Variants in RIN3 observed in about 807,000 individuals in gnomAD.
The protein encoded by RIN3 is RAB5 interacting protein 3.
Under a neutral mutation model 76.3 loss-of-function variants are expected in RIN3, and 54 were observed. The observed-to-expected ratio is 0.71, with a 90% CI of 0.57 to 0.89. RIN3 has a LOEUF of 0.89. Ranked by LOEUF, RIN3 falls within the 40% of genes least tolerant of loss-of-function variation. RIN3 has a pLI of 0.00. For synonymous variants in RIN3, 576 were observed against 564.0 expected (o/e 1.02, Z -0.30); for missense variants, 1,256 against 1,322.1 (o/e 0.95, Z 0.78).
intron 3 of RIN3, among the ~76,000 whole-genome samples, chr14:92,596,732 G>A (rs1269904155): frequency 1.3e-5 from 2 of 152,192 alleles, no homozygotes; most frequent in East Asian, 1.9e-4. Context: ...CCAGAGTTGT[G>A]CAGAAAGGGG....
intron 4 of RIN3, among the ~76,000 whole-genome samples, chr14:92,637,995 G>C (rs1468206277): frequency 6.6e-6 from 1 of 152,150 alleles, no homozygotes; most frequent in Non-Finnish European, 1.5e-5. Flanking sequence ...GATTTAGTAA[G>C]AATATCACTT....
At chr14:92,562,958 T>A (rs1023856127) in intron 2 of RIN3, among the ~76,000 whole-genome samples, 3 of 152,258 alleles carry the variant, frequency 2.0e-5, no homozygotes, top group African/African-American at 7.2e-5. Flanking sequence ...GGGTCAAAAG[T>A]TGTAGTAACC....
chr14:92,521,744 A>G (rs1566825385), intron 1 of RIN3, among the ~76,000 whole-genome samples: 1 of 152,224 alleles, frequency 6.6e-6, no homozygotes, highest in Non-Finnish European at 1.5e-5. Context: ...AGCCTCAGGT[A>G]TTCCTTTATA....
At chr14:92,597,817 C>A (rs1885203744) in intron 3 of RIN3, among the ~76,000 whole-genome samples, 1 of 152,214 alleles carries the variant, frequency 6.6e-6, no homozygotes, top group Non-Finnish European at 1.5e-5. Context: ...TGCCTCTTCT[C>A]CTACTGAGTT....
chr14:92,616,608 C>G (rs1178370629), intron 4 of RIN3, among the ~76,000 whole-genome samples: 3 of 152,062 alleles, frequency 2.0e-5, no homozygotes, highest in African/African-American at 7.2e-5. Context: ...GTAACTGCTT[C>G]ATGCTGGCTT....
chr14:92,625,759 G>C (rs187814873), intron 4 of RIN3, among the ~76,000 whole-genome samples: 6 of 152,148 alleles, frequency 3.9e-5, no homozygotes, highest in Admixed American at 6.5e-5. Context: ...TATAATTCCT[G>C]GTCCCCTGGA....
At chr14:92,606,628 T>A (rs1034924429) in intron 3 of RIN3, among the ~76,000 whole-genome samples, 2 of 152,090 alleles carry the variant, frequency 1.3e-5, no homozygotes, top group African/African-American at 4.8e-5. Flanking sequence ...CAAGAATATA[T>A]GGAAATAACC....
intron 7 of RIN3, among the ~76,000 whole-genome samples, chr14:92,665,976 G>A (rs1017270905): frequency 1.3e-5 from 2 of 152,028 alleles, no homozygotes; most frequent in South Asian, 2.1e-4. Flanking sequence ...GCAGCTCTTT[G>A]TTGAGCCCTG....
intron 1 of RIN3, among the ~76,000 whole-genome samples, chr14:92,532,544 A>G (rs916627610): frequency 3.9e-5 from 6 of 152,070 alleles, no homozygotes; most frequent in Non-Finnish European, 7.4e-5. Context: ...GGGGGAAGTT[A>G]TTTACCATGG....
Position 92,652,960 on chromosome 14 carries a change from C to T in RIN3, c.1911C>T (p.Ser637=). Residue 637 remains serine (S), a synonymous_variant, in exon 6 of 10, where the codon AGC becomes AGT. Transcript: ENST00000216487. The surrounding 1 kb of genome is among the most constrained non-coding windows in gnomAD (Gnocchi z 6.4). ...AGATGATGGCGCGCCAGACCTCCAGCACGGAGATGCTGCAGGAGATTCGCA... is the reference window on the plus strand; with the variant it reads ...AGATGATGGCGCGCCAGACCTCCAGTACGGAGATGCTGCAGGAGATTCGCA... The part of the protein sequence containing the change: ...SLEMMARQTS[S]TEMLQEIRTM... 6.2e-7 allele frequency: 1 copy of T among 1,613,764 alleles called. No individual in the cohort carries two copies. The highest frequency in any genetic ancestry group is 8.5e-7 in the Non-Finnish European group (1 of 1,180,034).
chr14:92,527,242 C>T (rs906735748), intron 1 of RIN3, among the ~76,000 whole-genome samples: 8 of 150,476 alleles, frequency 5.3e-5, no homozygotes, highest in South Asian at 4.2e-4. Context: ...TTAGTAGAGA[C>T]GGGGTTTCAC....
intron 3 of RIN3, among the ~76,000 whole-genome samples, chr14:92,608,091 T>C (rs1230932684): frequency 6.6e-6 from 1 of 152,242 alleles, no homozygotes; most frequent in Non-Finnish European, 1.5e-5. Flanking sequence ...ATCTTGATTG[T>C]GGTGACTGTG....
chr14:92,587,675 G>T (rs575755421), intron 3 of RIN3, among the ~76,000 whole-genome samples: 5 of 152,044 alleles, frequency 3.3e-5, no homozygotes, highest in African/African-American at 1.2e-4. Context: ...AACTGTCTCG[G>T]GGGTCCAGAA....
chr14:92,514,973 G>T lies in RIN3; in HGVS notation c.44+997G>T, dbSNP rs560711290. ...CCTGCCGCTCCCTGGCTTGGCAGTGGGACCTCATCTCCCAGGCCCTCAGTT... is the reference window on the plus strand; with the variant it reads ...CCTGCCGCTCCCTGGCTTGGCAGTGTGACCTCATCTCCCAGGCCCTCAGTT... On this transcript the variant is annotated intron_variant, in intron 1 of 9. Transcript: ENST00000216487. This position sits in a 1 kb window ranked among gnomAD's most constrained non-coding sequence, Gnocchi z 7.2. Among the ~76,000 whole-genome samples the T allele has an allele frequency of 6.6e-6, 1 of 152,156 alleles. No individual in the cohort carries two copies. The highest frequency in any genetic ancestry group is 1.5e-5 in the Non-Finnish European group (1 of 68,018).
intron 2 of RIN3, among the ~76,000 whole-genome samples, chr14:92,558,848 C>A (rs1351068827): frequency 6.6e-6 from 1 of 151,742 alleles, no homozygotes; most frequent in Non-Finnish European, 1.5e-5. Context: ...ATGCATCTTC[C>A]AGCACCTTCT....
intron 5 of RIN3, among the ~76,000 whole-genome samples, chr14:92,649,264 C>T (rs1331355888): frequency 1.3e-5 from 2 of 152,176 alleles, no homozygotes; most frequent in African/African-American, 4.8e-5. Flanking sequence ...CACCTTCACC[C>T]ACAGGAAGAG....
intron 8 of RIN3, among the ~76,000 whole-genome samples, chr14:92,677,335 T>C (rs1180521020): frequency 6.6e-6 from 1 of 152,116 alleles, no homozygotes; most frequent in African/African-American, 2.4e-5. Context: ...AGTCCAGATA[T>C]CAGCTCTGAG....
In RIN3 at chr14:92,589,744, C is replaced by T. The variant is rs188764712; in HGVS notation, c.367+12267C>T. 3.3e-4 allele frequency among the ~76,000 whole-genome samples: 51 copies of T among 152,366 alleles called. No homozygotes were observed. In the East Asian group the frequency reaches 6.0e-3, roughly 18 times the overall value. On this transcript the variant is annotated intron_variant, in intron 3 of 9. Coordinates refer to ENST00000216487, the MANE Select transcript of RIN3 (RefSeq NM_024832.5). ...TCATAAAAAGTTAGTTGTCTCTCCT[C>T]CATTCCTGATTGCCCCCCTTCCCAT...
chr14:92,669,223 T>G (rs1452385229), intron 7 of RIN3, among the ~76,000 whole-genome samples: 2 of 152,156 alleles, frequency 1.3e-5, no homozygotes, highest in African/African-American at 4.8e-5. Context: ...GAGTAAAACT[T>G]TCATTCAAGG....
Sources: allele counts gnomAD v4.1 joint callset (sites outside exome capture counted in the v4.1 genomes callset), GRCh38; gene constraint gnomAD v4.1.1; non-coding constraint Gnocchi (gnomAD v3.1); transcripts MANE v1.5; gene names NCBI Gene and HGNC (gene_info 2026-07-23, HGNC 2026-07-21).